Variants in TRAK2 observed in about 807,000 individuals in gnomAD.
The protein encoded by TRAK2 is trafficking kinesin-binding protein 2.
Under a neutral mutation model 104.6 loss-of-function variants are expected in TRAK2, and 81 were observed. That is an observed-to-expected ratio of 0.77 (90% CI 0.65 to 0.93). The LOEUF (loss-of-function observed/expected upper bound fraction) is 0.93, where lower values mean the gene tolerates loss of function less well. Among genes scored for constraint, TRAK2 ranks in the 40% least tolerant of loss-of-function variants. The pLI, the probability that TRAK2 is intolerant of heterozygous loss-of-function variation, is 0.00. For missense variants in TRAK2, 1,002 were observed against 1,089.0 expected, an observed-to-expected ratio of 0.92 and a Z score of 1.12; for synonymous variants, 406 against 394.4, an observed-to-expected ratio of 1.03 and a Z score of -0.35.
intron 1 of TRAK2, among the ~76,000 whole-genome samples, chr2:201,449,880 G>A (rs2125666528): frequency 1.3e-5 from 2 of 152,046 alleles, no homozygotes; most frequent in South Asian, 4.2e-4. Context: ...TTTCAGTAGA[G>A]ACGGGTTTCT....
chr2:201,381,553 T>C (rs568072798), intron 15 of TRAK2, among the ~76,000 whole-genome samples: 1 of 152,200 alleles, frequency 6.6e-6, no homozygotes, highest in Non-Finnish European at 1.5e-5. Flanking sequence ...CAGTTAAATT[T>C]TATGATAGAA....
At chr2:201,394,347 CTTTTTTTT>C (rs4034637) in intron 9 of TRAK2, among the ~76,000 whole-genome samples, 1 of 144,250 alleles carries the variant, frequency 6.9e-6, no homozygotes, top group Non-Finnish European at 1.5e-5. Context: ...CTTTTTCTTT[CTTTTTTTT>C]TTTTTGAGAC....
At chr2:201,407,697 C>G in intron 2 of TRAK2, 100 bp from the exon 3 acceptor site, 1 of 943,642 alleles carries the variant, frequency 1.1e-6, no homozygotes, top group Non-Finnish European at 1.6e-6. Flanking sequence ...GTAGGATAAC[C>G]AAAGAAATAC....
chr2:201,425,915 A>G (rs767921048), intron 1 of TRAK2, among the ~76,000 whole-genome samples: 3 of 152,224 alleles, frequency 2.0e-5, no homozygotes, highest in Non-Finnish European at 4.4e-5. Context: ...GATAATTTTG[A>G]GAACTATGCC....
chr2:201,384,965 A>G (rs1438595155), intron 14 of TRAK2, among the ~76,000 whole-genome samples: 1 of 152,196 alleles, frequency 6.6e-6, no homozygotes, highest in African/African-American at 2.4e-5. Context: ...TACCATTTTT[A>G]CTTGAAAGAA....
At chr2:201,399,575 T>C in intron 4 of TRAK2, 82 bp from the exon 5 acceptor site, 3 of 1,024,720 alleles carry the variant, frequency 2.9e-6, no homozygotes, top group South Asian at 2.8e-5. Flanking sequence ...TCAGTTTTGG[T>C]AAAATCAAAA....
intron 3 of TRAK2, 29 bp downstream of exon 3, chr2:201,407,374 C>T: frequency 6.3e-7 from 1 of 1,583,664 alleles, no homozygotes; most frequent in Non-Finnish European, 8.6e-7. Context: ...CTTTAATGCA[C>T]AAACTAAAAG....
chr2:201,419,325 T>G (rs981203182), intron 2 of TRAK2: 1 of 153,868 alleles, frequency 6.5e-6, no homozygotes, highest in African/African-American at 2.4e-5. Flanking sequence ...ACATTCATTT[T>G]TTCATGTACT....
At chr2:201,406,437 T>G (rs1193587379) in intron 3 of TRAK2, among the ~76,000 whole-genome samples, 1 of 152,084 alleles carries the variant, frequency 6.6e-6, no homozygotes, top group Non-Finnish European at 1.5e-5. Context: ...ATGTTTATAA[T>G]TTTTTTTGAG....
At chr2:201,411,260 C>T (rs1052901599) in intron 2 of TRAK2, 19 of 737,682 alleles carry the variant, frequency 2.6e-5, no homozygotes, top group Non-Finnish European at 2.5e-6. Context: ...TCTATGCCTG[C>T]TCTTGTTCTC....
intron 2 of TRAK2, among the ~76,000 whole-genome samples, chr2:201,416,889 C>T (rs1014576313): frequency 9.9e-5 from 15 of 150,984 alleles, no homozygotes; most frequent in African/African-American, 1.7e-4. Context: ...GAGAAAAAAA[C>T]GGAAGACGGA....
intron 1 of TRAK2, among the ~76,000 whole-genome samples, chr2:201,421,497 A>G (rs574458893): frequency 1.7e-4 from 26 of 152,318 alleles, no homozygotes; most frequent in African/African-American, 6.3e-4. Flanking sequence ...AAGTGCCAGC[A>G]GAATCGCTTC....
intron 2 of TRAK2, chr2:201,410,726 G>A (rs1303889086): frequency 6.7e-6 from 10 of 1,488,102 alleles, no homozygotes; most frequent in Non-Finnish European, 9.4e-6. Context: ...ACTTGAGGAG[G>A]TACAAACTGA....
chr2:201,440,043 C>T (rs946267619), intron 1 of TRAK2, among the ~76,000 whole-genome samples: 35 of 149,632 alleles, frequency 2.3e-4, no homozygotes, highest in Non-Finnish European at 4.3e-4. Flanking sequence ...ATGTAACTAA[C>T]CTGCACATTG....
chr2:201,397,556 C>T lies in TRAK2; in HGVS notation c.715G>A (p.Val239Ile). 1 of 1,612,750 alleles carries T rather than the reference C, an allele frequency of 6.2e-7. No homozygotes were observed. The highest frequency in any genetic ancestry group is 8.5e-7 in the Non-Finnish European group (1 of 1,179,118). The change falls in exon 7 of 16, where the codon GTT becomes ATT. Residue 239 changes from valine to isoleucine, a missense_variant. Coordinates refer to ENST00000332624, the MANE Select transcript of TRAK2 (RefSeq NM_015049.3). ...TGTTGTTCCTTTTCTTCATAGGTAACAGTTTCTGTCTTTATGTGACAAGCC... is the reference window on the plus strand; with the variant it reads ...TGTTGTTCCTTTTCTTCATAGGTAATAGTTTCTGTCTTTATGTGACAAGCC... ...SKACHIKTET[V>I]TYEEKEQQLV... is the part of the protein sequence containing the mutation.
intron 4 of TRAK2, 117 bp downstream of exon 4, chr2:201,400,901 T>C (rs1951544897): frequency 1.4e-6 from 1 of 690,054 alleles, no homozygotes; most frequent in South Asian, 2.2e-5. Context: ...GCAACAACCT[T>C]ATACAAAATA....
chr2:201,412,930 C>T, intron 2 of TRAK2: 1 of 777,184 alleles, frequency 1.3e-6, no homozygotes, highest in Non-Finnish European at 2.4e-6. Context: ...ACCAAGAACA[C>T]TGGCTAAACT....
chr2:201,411,054 G>T, intron 2 of TRAK2: 1 of 1,224,732 alleles, frequency 8.2e-7, no homozygotes, highest in Non-Finnish European at 1.2e-6. Flanking sequence ...ATCAACTGGT[G>T]TAGAAAACAT....
In TRAK2 at chr2:201,378,290, T is replaced by A. The variant is rs980302395; in HGVS notation, c.*2253A>T. 6.6e-6 allele frequency: 1 copy of A among 152,146 alleles called. No individual in the cohort carries two copies. Among genetic ancestry groups the A allele is most frequent in the Non-Finnish European group, 1.5e-5 (1 of 68,024 alleles). 9.4% of individuals were successfully genotyped at this position (152,146 alleles called of 1,614,324 possible). On this transcript the variant is annotated 3_prime_UTR_variant, in exon 16 of 16. Transcript: ENST00000332624. ...CACCACCCTGCCTCCAAAGTGATCA[T>A]TTAGTCATTAATTATAAAAAAGTAT...
Sources: gnomAD v4.1 joint callset for allele counts (sites outside exome capture counted in the v4.1 genomes callset) on GRCh38, gnomAD v4.1.1 for gene constraint, MANE v1.5 for transcripts, NCBI Gene and HGNC (gene_info 2026-07-23, HGNC 2026-07-21) for gene names.